Variants in KREMEN1 observed in about 807,000 individuals in gnomAD.
KREMEN1 encodes the protein kremen protein 1.
A neutral mutation model predicts 46.5 loss-of-function variants in KREMEN1; 30 were observed. That is an observed-to-expected ratio of 0.65 (90% CI 0.48 to 0.88). KREMEN1 has a LOEUF of 0.88. KREMEN1 is among the 40% of genes least tolerant of loss of function. The pLI is 0.00. For synonymous variants in KREMEN1, 214 were observed against 230.6 expected, an observed-to-expected ratio of 0.93 and a Z score of 0.65; for missense variants, 533 against 596.9, an observed-to-expected ratio of 0.89 and a Z score of 1.11.
At chr22:29,136,967 C>G (rs1041338435) in intron 5 of KREMEN1, among the ~76,000 whole-genome samples, 1 of 152,166 alleles carries the variant, frequency 6.6e-6, no homozygotes, top group South Asian at 2.1e-4. Context: ...CACACATTCC[C>G]GTGATACAGG....
At chr22:29,161,891 A>G (rs921968888) in intron 9 of KREMEN1, among the ~76,000 whole-genome samples, 1 of 151,992 alleles carries the variant, frequency 6.6e-6, no homozygotes, top group Admixed American at 6.6e-5. Context: ...TGAGGTGGAT[A>G]GATCACTAGA....
At chr22:29,118,417 T>G (rs1179715326) in intron 3 of KREMEN1, among the ~76,000 whole-genome samples, 7 of 152,142 alleles carry the variant, frequency 4.6e-5, no homozygotes, top group Non-Finnish European at 1.0e-4. Flanking sequence ...GGGATCTGTC[T>G]TAGGCAGTTT....
chr22:29,166,972 C>T (rs2039058024), intron 9 of KREMEN1: 6 of 1,195,030 alleles, frequency 5.0e-6, no homozygotes, highest in Admixed American at 4.0e-5. Context: ...TCAAATGCTT[C>T]TAACTGTTCT....
chr22:29,115,238 A>T (rs577548285), intron 3 of KREMEN1, among the ~76,000 whole-genome samples: 1 of 152,358 alleles, frequency 6.6e-6, no homozygotes, highest in South Asian at 2.1e-4. Flanking sequence ...AGCTATGAAG[A>T]TGCAAAGGCG....
chr22:29,163,360 C>T (rs141450454), intron 9 of KREMEN1, among the ~76,000 whole-genome samples: 1 of 152,110 alleles, frequency 6.6e-6, no homozygotes, highest in African/African-American at 2.4e-5. Context: ...ATAAATTACC[C>T]AGTTTCAGGT....
intron 5 of KREMEN1, among the ~76,000 whole-genome samples, chr22:29,127,995 T>G (rs2038472990): frequency 6.6e-6 from 1 of 152,172 alleles, no homozygotes; most frequent in Non-Finnish European, 1.5e-5. Context: ...GGCTACATAT[T>G]TTATGATCTC....
At position 29,109,980 on chromosome 22, in the gene KREMEN1, T is replaced by C. The variant is rs529593507; in HGVS notation, c.352+11027T>C. ...TCCAAGTCAACAAACGAGCTTTTCT[T>C]CCCAGGGACACAGCAGTTATCATTC... On this transcript the variant is annotated intron_variant, in intron 3 of 8. Transcript: ENST00000400335. Among the ~76,000 whole-genome samples, 8 of 152,320 alleles carry C rather than the reference T, an allele frequency of 5.3e-5. No individual in the cohort carries two copies. The South Asian group carries it at 1.7e-3, about 32-fold the overall frequency.
intron 9 of KREMEN1, among the ~76,000 whole-genome samples, chr22:29,162,147 T>C (rs1239584693): frequency 6.6e-6 from 1 of 151,232 alleles, no homozygotes; most frequent in Non-Finnish European, 1.5e-5. Context: ...TTCACTATGA[T>C]CAAGTAGGTT....
intron 3 of KREMEN1, among the ~76,000 whole-genome samples, chr22:29,100,734 G>A (rs903169914): frequency 2.6e-5 from 4 of 152,146 alleles, no homozygotes; most frequent in Non-Finnish European, 4.4e-5. Context: ...CCTTCATGAG[G>A]TATTCTAGAA....
Position 29,104,370 on chromosome 22 carries a change from C to T in KREMEN1, c.352+5417C>T, listed in dbSNP as rs544809709. Among the ~76,000 whole-genome samples, 29 of 152,048 alleles carry T rather than the reference C, an allele frequency of 1.9e-4. No individual in the cohort carries two copies. The South Asian group carries it at 2.1e-3, about 11-fold the overall frequency. On this transcript the variant is annotated intron_variant, in intron 3 of 8. Coordinates refer to ENST00000400335, the MANE Select transcript of KREMEN1 (RefSeq NM_001039570.3). Reference sequence around the variant, plus strand: ...CAGGGTTTTGCCATGTTCCCCTAGCCGGTCTCATACTCCTGGGCTCAGCAA... The same window carrying T: ...CAGGGTTTTGCCATGTTCCCCTAGCTGGTCTCATACTCCTGGGCTCAGCAA...
Position 29,098,901 on chromosome 22 carries a change from A to C in KREMEN1, c.300A>C (p.Ala100=). 6.2e-7 allele frequency: 1 copy of C among 1,614,200 alleles called. No individual in the cohort carries two copies. Among genetic ancestry groups the C allele is most frequent in the East Asian group, 2.2e-5 (1 of 44,888 alleles). The change falls in exon 3 of 9, where the codon GCA becomes GCC. Residue 100 remains alanine (A), a synonymous_variant. Coordinates refer to ENST00000400335, the MANE Select transcript of KREMEN1 (RefSeq NM_001039570.3). ...ACGTGAGCCCCTGGTGCTATGTGGCAGAGCACGAGGATGGTGTCTACTGGA... is the reference window on the plus strand; with the variant it reads ...ACGTGAGCCCCTGGTGCTATGTGGCCGAGCACGAGGATGGTGTCTACTGGA... ...DGDVSPWCYV[A]EHEDGVYWKY...
At chr22:29,141,423 C>CATCTGAT (rs913247961) in intron 8 of KREMEN1, among the ~76,000 whole-genome samples, 4 of 152,224 alleles carry the variant, frequency 2.6e-5, no homozygotes, top group African/African-American at 9.6e-5. Context: ...TAGCGTCCAG[C>CATCTGAT]ATCTGATAGC....
In KREMEN1 at chr22:29,073,126, G is replaced by A. The variant is rs1427223590; in HGVS notation, c.-5G>A. The A allele has an allele frequency of 5.8e-6, 6 of 1,042,864 alleles. No homozygotes were observed. Among genetic ancestry groups the A allele is most frequent in the African/African-American group, 5.2e-5 (3 of 57,244 alleles). 64.6% of individuals were successfully genotyped at this position (1,042,864 alleles called of 1,614,324 possible). A position where few individuals can be genotyped will look rare whatever the true frequency, so the allele number is the denominator to read the frequency against. On this transcript the variant is annotated 5_prime_UTR_variant, in exon 1 of 9. Transcript: ENST00000400335. The surrounding 1 kb of genome is among the most constrained non-coding windows in gnomAD (Gnocchi z 4.4). ...CCGCGCCCCGGGGCCCCGCACTGACGGCCCATGGCGCCGCCAGCCGCCCGC... is the reference window on the plus strand; with the variant it reads ...CCGCGCCCCGGGGCCCCGCACTGACAGCCCATGGCGCCGCCAGCCGCCCGC...
chr22:29,135,359 C>G (rs931553889), intron 5 of KREMEN1, among the ~76,000 whole-genome samples: 1 of 152,184 alleles, frequency 6.6e-6, no homozygotes, highest in African/African-American at 2.4e-5. Context: ...TACTCCCTCC[C>G]CCAGAGGCAA....
At chr22:29,082,375 A>G (rs887832334) in intron 1 of KREMEN1, among the ~76,000 whole-genome samples, 2 of 152,146 alleles carry the variant, frequency 1.3e-5, no homozygotes, top group Non-Finnish European at 2.9e-5. Context: ...TTTCCTTTAA[A>G]TAGCAGAGTC....
chr22:29,131,229 G>A (rs936589673), intron 5 of KREMEN1, among the ~76,000 whole-genome samples: 1 of 152,078 alleles, frequency 6.6e-6, no homozygotes, highest in South Asian at 2.1e-4. Flanking sequence ...ATATACAGAG[G>A]TTTAGTAACC....
At chr22:29,138,083 G>A (rs1011455002) in intron 6 of KREMEN1, among the ~76,000 whole-genome samples, 2 of 152,232 alleles carry the variant, frequency 1.3e-5, no homozygotes, top group Non-Finnish European at 2.9e-5. Flanking sequence ...TTCAAACCCT[G>A]CTATGATGGA....
chr22:29,121,181 G>T (rs1199281038), intron 3 of KREMEN1, among the ~76,000 whole-genome samples, 176 bp from the exon 4 acceptor site: 1 of 151,832 alleles, frequency 6.6e-6, no homozygotes, highest in Non-Finnish European at 1.5e-5. Context: ...CAAAAACATG[G>T]TTTTTAGCAG....
Position 29,140,378 on chromosome 22 carries a change from A to G in KREMEN1, c.1208+12A>G, listed in dbSNP as rs1173907067. On this transcript the variant is annotated intron_variant, in intron 8 of 8. Coordinates refer to ENST00000400335, the MANE Select transcript of KREMEN1 (RefSeq NM_001039570.3). ...CACGTCACATTCAAGTGAGTACAAG[A>G]GGGAGCTGCCCAATTCCAGGAAAGG... 4.4e-6 allele frequency: 7 copies of G among 1,593,068 alleles called. No homozygotes were observed. The highest frequency in any genetic ancestry group is 5.2e-6 in the Non-Finnish European group (6 of 1,160,880).
Sources: allele counts gnomAD v4.1 joint callset (sites outside exome capture counted in the v4.1 genomes callset), GRCh38; gene constraint gnomAD v4.1.1; non-coding constraint Gnocchi (gnomAD v3.1); transcripts MANE v1.5; gene names NCBI Gene and HGNC (gene_info 2026-07-23, HGNC 2026-07-21).